GPR183: variants seen among roughly 807,000 people sequenced by gnomAD.
The protein encoded by GPR183 is EBV-induced G-protein coupled receptor 2.
Under a neutral mutation model 19.7 loss-of-function variants are expected in GPR183, and 9 were observed. The ratio of observed to expected loss-of-function variants is 0.46; its 90% confidence interval spans 0.28 to 0.80. GPR183 has a LOEUF of 0.80. Among genes scored for constraint, GPR183 ranks in the 30% least tolerant of loss-of-function variants. The pLI is 0.13. For missense variants in GPR183, 368 were observed against 446.7 expected (o/e 0.82, Z 1.59); for synonymous variants, 160 against 155.1 (o/e 1.03, Z -0.24).
At chr13:99,304,186 A>G (rs541531735) in intron 1 of GPR183, among the ~76,000 whole-genome samples, 3 of 152,316 alleles carry the variant, frequency 2.0e-5, no homozygotes, top group East Asian at 1.9e-4. Flanking sequence ...GGCTCCAGGC[A>G]TGCAAAATTA....
At chr13:99,298,563 T>C (rs1238404651) in intron 1 of GPR183, among the ~76,000 whole-genome samples, 2 of 152,136 alleles carry the variant, frequency 1.3e-5, no homozygotes, top group Non-Finnish European at 2.9e-5. Context: ...ATATGTTAAA[T>C]ATACAGTTCA....
In GPR183 at chr13:99,294,927, A is replaced by T. The variant is rs2044144927; in HGVS notation, c.*133T>A. On this transcript the variant is annotated 3_prime_UTR_variant, in exon 2 of 2. Coordinates refer to ENST00000376414, the MANE Select transcript of GPR183 (RefSeq NM_004951.5). ...TCTTGGGCTTACTTCCGAGTTGGAG[A>T]TGGGAAAGTGCCCAATGAAAGAAAT... is the stretch of plus-strand genomic sequence containing the variant. 7.4e-6 allele frequency: 7 copies of T among 947,286 alleles called. No individual in the cohort carries two copies. The highest frequency in any genetic ancestry group is 7.8e-6 in the Non-Finnish European group (5 of 644,350). 58.7% of individuals were successfully genotyped at this position (947,286 alleles called of 1,614,324 possible).
At position 99,294,994 on chromosome 13, in the gene GPR183, TA is replaced by T; in HGVS notation, c.*65del. 1 of 1,510,636 alleles carries T rather than the reference TA, an allele frequency of 6.6e-7. No individual in the cohort carries two copies. Among genetic ancestry groups the T allele is most frequent in the Admixed American group, 2.2e-5 (1 of 44,964 alleles). 93.6% of individuals were successfully genotyped at this position (1,510,636 alleles called of 1,614,324 possible). Reference sequence around the variant, plus strand: ...TGGAAGCTGAACAATTATTTTGCTTTATAAGGGAAGTCCTGCAAAGTTTGTC... The same window carrying T: ...TGGAAGCTGAACAATTATTTTGCTTTTAAGGGAAGTCCTGCAAAGTTTGTC... On this transcript the variant is annotated 3_prime_UTR_variant, in exon 2 of 2. Transcript: ENST00000376414.
At position 99,295,323 on chromosome 13, in the gene GPR183, A is replaced by C. The variant is rs747663821; in HGVS notation, c.823T>G (p.Ser275Ala). 3 of 1,614,170 alleles carry C rather than the reference A, an allele frequency of 1.9e-6. No individual in the cohort carries two copies. Among genetic ancestry groups the C allele is most frequent in the East Asian group, 4.5e-5 (2 of 44,870 alleles). The change falls in exon 2 of 2, where the codon TCT becomes GCT. Residue 275 changes from serine to alanine, a missense_variant. By Grantham distance (99) the Ser-to-Ala change is moderately conservative. Coordinates refer to ENST00000376414, the MANE Select transcript of GPR183 (RefSeq NM_004951.5). This position sits in a 1 kb window ranked among gnomAD's most constrained non-coding sequence, Gnocchi z 4.1. Reference protein sequence around the residue: ...IQHMIKKLRFSNFLECSQRHS... With the variant: ...IQHMIKKLRFANFLECSQRHS... ...CTTTGGCTACATTCCAGGAAATTAG[A>C]GAAACGAAGCTTCTTAATCATATGT...
chr13:99,306,269 G>T (rs1415797218), intron 1 of GPR183, among the ~76,000 whole-genome samples: 1 of 152,160 alleles, frequency 6.6e-6, no homozygotes, highest in Non-Finnish European at 1.5e-5. Context: ...AGTGGCCAGA[G>T]AGATGGGAGA....
rs571060900 is a variant in GPR183 at position 99,295,247 on chromosome 13, T to G, written c.899A>C (p.Asn300Thr). Residue 300 changes from asparagine to threonine, a missense_variant, in exon 2 of 2, where the codon AAT (asparagine) becomes ACT (threonine). Physicochemically the swap from Asn to Thr is moderately conservative, Grantham distance 65. Coordinates refer to ENST00000376414, the MANE Select transcript of GPR183 (RefSeq NM_004951.5). The surrounding 1 kb of genome is among the most constrained non-coding windows in gnomAD (Gnocchi z 4.1). Reference protein sequence around the residue: ...LHFTVCLMNFNCCMDPFIYFF... With the variant: ...LHFTVCLMNFTCCMDPFIYFF... Reference sequence around the variant, plus strand: ...GTAGATAAAAGGGTCCATGCAGCAATTGAAGTTCATCAGGCATACTGTAAA... The same window carrying G: ...GTAGATAAAAGGGTCCATGCAGCAAGTGAAGTTCATCAGGCATACTGTAAA... 11 of 1,614,134 alleles carry G rather than the reference T, an allele frequency of 6.8e-6. No individual in the cohort carries two copies. The East Asian group carries it at 1.8e-4, about 26-fold the overall frequency.
chr13:99,303,224 G>C (rs181835403), intron 1 of GPR183, among the ~76,000 whole-genome samples: 4 of 152,290 alleles, frequency 2.6e-5, no homozygotes, highest in Non-Finnish European at 5.9e-5. Context: ...ACATCTTCAA[G>C]ACTGAAAAAG....
intron 1 of GPR183, among the ~76,000 whole-genome samples, chr13:99,298,539 G>A (rs1309608686): frequency 6.6e-6 from 1 of 152,060 alleles, no homozygotes; most frequent in Non-Finnish European, 1.5e-5. Context: ...TTTAAAAAAG[G>A]AAAGATTTAA....
chr13:99,306,543 A>G (rs531691236), intron 1 of GPR183, among the ~76,000 whole-genome samples: 2 of 152,262 alleles, frequency 1.3e-5, no homozygotes, highest in South Asian at 2.1e-4. Context: ...ACAAACACAC[A>G]TATATAAAAC....
chr13:99,303,056 C>T (rs767731282), intron 1 of GPR183, among the ~76,000 whole-genome samples: 5 of 152,078 alleles, frequency 3.3e-5, no homozygotes, highest in Non-Finnish European at 5.9e-5. Flanking sequence ...TGTGACTAGC[C>T]GAGGGGCTTA....
chr13:99,295,589 T>G lies in GPR183; in HGVS notation c.557A>C (p.Asn186Thr), dbSNP rs760739327. 6.2e-7 allele frequency: 1 copy of G among 1,614,070 alleles called. No individual in the cohort carries two copies. Among genetic ancestry groups the G allele is most frequent in the South Asian group, 1.1e-5 (1 of 91,088 alleles). The change falls in exon 2 of 2, where the codon AAC (asparagine) becomes ACC (threonine). Residue 186 changes from asparagine to threonine, a missense_variant. Physicochemically the swap from Asn to Thr is moderately conservative, Grantham distance 65. Coordinates refer to ENST00000376414, the MANE Select transcript of GPR183 (RefSeq NM_004951.5). This position sits in a 1 kb window ranked among gnomAD's most constrained non-coding sequence, Gnocchi z 4.1. ...GGGAAGAGATTTAGTTTCTTCAAAG[T>G]TTGGATACTCCATGCATGTAATCCT... ...AERITCMEYP[N>T]FEETKSLPWI...
intron 1 of GPR183, among the ~76,000 whole-genome samples, 184 bp from the exon 2 acceptor site, chr13:99,296,347 A>G (rs1461508331): frequency 6.6e-6 from 1 of 152,232 alleles, no homozygotes; most frequent in Admixed American, 6.5e-5. Context: ...GGTTACATAT[A>G]TGATAACAGG....
intron 1 of GPR183, among the ~76,000 whole-genome samples, chr13:99,301,951 C>T (rs997222838): frequency 3.3e-5 from 5 of 152,098 alleles, no homozygotes; most frequent in African/African-American, 1.2e-4. Flanking sequence ...TGAAAAGGGG[C>T]TTACCTAGGA....
At position 99,294,541 on chromosome 13, in the gene GPR183, T is replaced by C. The variant is rs2044138603; in HGVS notation, c.*519A>G. 6.5e-6 allele frequency: 1 copy of C among 152,742 alleles called. No individual in the cohort carries two copies. Among genetic ancestry groups the C allele is most frequent in the Non-Finnish European group, 1.5e-5 (1 of 68,472 alleles). The allele number at this position is 152,742 out of a possible 1,614,324, so 9.5% of individuals were successfully genotyped here. A position where few individuals can be genotyped will look rare whatever the true frequency, so the allele number is the denominator to read the frequency against. Reference sequence around the variant, plus strand: ...GCATTGAGGGACAGACTCATAACTTTGCAGCATCCTGCTCTTTATTCCAAA... The same window carrying C: ...GCATTGAGGGACAGACTCATAACTTCGCAGCATCCTGCTCTTTATTCCAAA... On this transcript the variant is annotated 3_prime_UTR_variant, in exon 2 of 2. Transcript: ENST00000376414.
chr13:99,303,732 T>G (rs1256065717), intron 1 of GPR183, among the ~76,000 whole-genome samples: 1 of 152,180 alleles, frequency 6.6e-6, no homozygotes, highest in Non-Finnish European at 1.5e-5. Flanking sequence ...TCTTTCAAGT[T>G]CAAGGAGTTT....
intron 1 of GPR183, among the ~76,000 whole-genome samples, chr13:99,306,617 A>G (rs925876607): frequency 6.6e-6 from 1 of 152,164 alleles, no homozygotes; most frequent in Admixed American, 6.5e-5. Flanking sequence ...TGTTACCACC[A>G]TTCCCAACCT....
chr13:99,301,997 A>G (rs1298427587), intron 1 of GPR183, among the ~76,000 whole-genome samples: 2 of 152,198 alleles, frequency 1.3e-5, no homozygotes, highest in Non-Finnish European at 2.9e-5. Context: ...AATGACTGGA[A>G]TGGGTCAAGT....
chr13:99,302,718 A>C (rs2044274292), intron 1 of GPR183, among the ~76,000 whole-genome samples: 1 of 152,186 alleles, frequency 6.6e-6, no homozygotes. Flanking sequence ...AGGAACCTGC[A>C]CTGCTGTGGA....
intron 1 of GPR183, among the ~76,000 whole-genome samples, chr13:99,302,357 A>G (rs1447894377): frequency 2.0e-5 from 3 of 152,178 alleles, no homozygotes; most frequent in Non-Finnish European, 2.9e-5. Context: ...AATTTCAAAG[A>G]TATGGTTCTA....
Sources: allele counts gnomAD v4.1 joint callset (sites outside exome capture counted in the v4.1 genomes callset), GRCh38; gene constraint gnomAD v4.1.1; non-coding constraint Gnocchi (gnomAD v3.1); transcripts MANE v1.5; gene names NCBI Gene and HGNC (gene_info 2026-07-23, HGNC 2026-07-21).